Variants in MYO19 observed in about 807,000 individuals in gnomAD.
MYO19 encodes the protein unconventional myosin-XIX.
In MYO19, 132 loss-of-function variants were observed where a neutral mutation model predicts 129.2. That is an observed-to-expected ratio of 1.02 (90% confidence interval 0.89 to 1.18). The LOEUF is 1.18. Among genes scored for constraint, MYO19 ranks in the 50% most tolerant of loss-of-function variants. The pLI, the probability that MYO19 is intolerant of heterozygous loss-of-function variation, is 0.00. For synonymous variants in MYO19, 531 were observed against 477.2 expected, an observed-to-expected ratio of 1.11 and a Z score of -1.47; for missense variants, 1,210 against 1,216.7, an observed-to-expected ratio of 0.99 and a Z score of 0.08.
At chr17:36,534,504 C>T (rs535251773) in intron 1 of MYO19, among the ~76,000 whole-genome samples, 5 of 152,176 alleles carry the variant, frequency 3.3e-5, no homozygotes, top group African/African-American at 9.7e-5. Context: ...CCCTCTCCCC[C>T]CAGGCCGCCC....
At chr17:36,538,741 A>T, upstream of MYO19, 1 of 825,794 alleles carries the variant, frequency 1.2e-6, no homozygotes, top group Admixed American at 3.2e-5. Flanking sequence ...AGTCATCTAA[A>T]CAGCAGTGAT....
In MYO19 at chr17:36,527,537, C is replaced by A. The variant is rs748449082; in HGVS notation, c.300+14G>T. The stretch of plus-strand genomic sequence containing the variant: ...AGAGGAGCCCTGAGGCCACAGGCAG[C>A]GGCAGAGCCTTACCTGGGGCTGAGG... On this transcript the variant is annotated intron_variant, in intron 5 of 25. Transcript: ENST00000614623. The A allele has an allele frequency of 6.2e-7, 1 of 1,610,366 alleles. No homozygotes were observed. The highest frequency in any genetic ancestry group is 8.5e-7 in the Non-Finnish European group (1 of 1,178,278).
In MYO19 at chr17:36,499,143, T is replaced by G; in HGVS notation, c.2395A>C (p.Thr799Pro). Reference sequence around the variant, plus strand: ...TGCAGCCTCTGGATGTGTTTCCGAGTTAACCAGGAACGAATGGCTAAGAGG... The same window carrying G: ...TGCAGCCTCTGGATGTGTTTCCGAGGTAACCAGGAACGAATGGCTAAGAGG... ...LIQAAIRSWL[T>P]RKHIQRLHAA... Residue 799 changes from threonine to proline, a missense_variant, in exon 24 of 26, where the codon ACT becomes CCT. Physicochemically the swap from Thr to Pro is conservative, Grantham distance 38. Transcript: ENST00000614623. The G allele has an allele frequency of 6.2e-7, 1 of 1,607,736 alleles. No homozygotes were observed. Among genetic ancestry groups the G allele is most frequent in the Middle Eastern group, 1.7e-4 (1 of 6,046 alleles).
chr17:36,517,614 T>C (rs891154702), intron 6 of MYO19, among the ~76,000 whole-genome samples: 3 of 152,230 alleles, frequency 2.0e-5, no homozygotes, highest in African/African-American at 7.2e-5. Context: ...TTAATTTTTC[T>C]ATTTTATTCA....
upstream of MYO19, chr17:36,538,342 T>G (rs201893415): frequency 6.2e-7 from 1 of 1,614,190 alleles, no homozygotes; most frequent in Admixed American, 1.7e-5. Context: ...TGGAAACTTA[T>G]CCAGTCACCT....
At position 36,495,904 on chromosome 17, in the gene MYO19, G is replaced by C. The variant is rs1026872899; in HGVS notation, c.*347C>G. 8.3e-7 allele frequency: 1 copy of C among 1,203,124 alleles called. No homozygotes were observed. Among genetic ancestry groups the C allele is most frequent in the Non-Finnish European group, 1.0e-6 (1 of 960,280 alleles). 74.5% of individuals were successfully genotyped at this position (1,203,124 alleles called of 1,614,324 possible). A position where few individuals can be genotyped will look rare whatever the true frequency, so the allele number is the denominator to read the frequency against. On this transcript the variant is annotated 3_prime_UTR_variant, in exon 26 of 26. Transcript: ENST00000614623. ...CGCCAATTTTAGGCCAACTTTGGCTGTTTTCTTCCAAAAGTGCTTATGTGG... is the reference window on the plus strand; with the variant it reads ...CGCCAATTTTAGGCCAACTTTGGCTCTTTTCTTCCAAAAGTGCTTATGTGG...
intron 6 of MYO19, among the ~76,000 whole-genome samples, chr17:36,519,419 A>G (rs1357239531): frequency 6.6e-6 from 1 of 152,106 alleles, no homozygotes; most frequent in Non-Finnish European, 1.5e-5. Flanking sequence ...TTTCCCATCC[A>G]TTTAGTTTGA....
chr17:36,513,077 G>A, intron 11 of MYO19: 2 of 1,283,570 alleles, frequency 1.6e-6, no homozygotes, highest in Non-Finnish European at 1.0e-6. Context: ...AACTAAGTGA[G>A]CAGAGAAGTG....
chr17:36,540,286 C>T (rs1164651645), intron 2 of MYO19, among the ~76,000 whole-genome samples: 3 of 151,882 alleles, frequency 2.0e-5, no homozygotes, highest in South Asian at 2.1e-4. Flanking sequence ...CCTGGCTTCA[C>T]GTGATCCTCC....
At chr17:36,537,958 T>C (rs1371909465), upstream of MYO19, 1 of 1,614,064 alleles carries the variant, frequency 6.2e-7, no homozygotes, top group Admixed American at 1.7e-5. Context: ...AGGTTAATAT[T>C]ATATGGCACT....
intron 6 of MYO19, among the ~76,000 whole-genome samples, chr17:36,524,932 T>C (rs980528804): frequency 6.6e-6 from 1 of 152,210 alleles, no homozygotes; most frequent in Non-Finnish European, 1.5e-5. Context: ...TTGTTTCCAG[T>C]AGTGTCAAGA....
chr17:36,509,732 T>G (rs1487907837), intron 13 of MYO19: 2 of 152,802 alleles, frequency 1.3e-5, no homozygotes, highest in African/African-American at 2.4e-5. Flanking sequence ...CTTAAAGTAA[T>G]TGCTCTGCAA....
chr17:36,528,133 G>A lies in MYO19; in HGVS notation c.82C>T (p.Leu28=). ...EYLREDLQEF[L]GGEVLLYKLD... ...TTGTACAGCAGGACCTCCCCACCCA[G>A]GAACTCCTGCAGGTCTTCTCTGAGG... The change falls in exon 4 of 26, where the codon CTG becomes TTG. Residue 28 remains leucine, a synonymous_variant. Coordinates refer to ENST00000614623, the MANE Select transcript of MYO19 (RefSeq NM_001163735.2). The A allele has an allele frequency of 6.2e-7, 1 of 1,613,258 alleles. No homozygotes were observed. Among genetic ancestry groups the A allele is most frequent in the South Asian group, 1.1e-5 (1 of 90,818 alleles).
chr17:36,496,428 A>C (rs1280804028), intron 25 of MYO19, 22 bp from the exon 26 acceptor site: 2 of 1,613,282 alleles, frequency 1.2e-6, no homozygotes, highest in Non-Finnish European at 1.7e-6. Context: ...AGAGAGATGC[A>C]GCTTTAGCAC....
upstream of MYO19, chr17:36,538,279 T>C (rs540887439): frequency 1.2e-4 from 190 of 1,613,374 alleles, no homozygotes; most frequent in South Asian, 1.9e-3. Flanking sequence ...CTGGGTGATA[T>C]AATTTTGAGT....
At chr17:36,540,520 G>A (rs890025347) in intron 2 of MYO19, among the ~76,000 whole-genome samples, 2 of 151,936 alleles carry the variant, frequency 1.3e-5, no homozygotes, top group East Asian at 1.9e-4. Context: ...ACAGGCACAC[G>A]CCACTTCGCC....
At chr17:36,507,757 G>A (rs2072020153) in intron 15 of MYO19, 46 bp downstream of exon 15, 4 of 1,542,736 alleles carry the variant, frequency 2.6e-6, no homozygotes, top group Non-Finnish European at 3.5e-6. Flanking sequence ...GGAAGGGATT[G>A]AGGATCCAAA....
At chr17:36,526,392 G>A (rs1269206064) in intron 5 of MYO19, among the ~76,000 whole-genome samples, 1 of 151,972 alleles carries the variant, frequency 6.6e-6, no homozygotes, top group African/African-American at 2.4e-5. Context: ...CCTCCTGCCA[G>A]CAAGTTTTCT....
upstream of MYO19, chr17:36,535,309 C>T (rs1339327326): frequency 6.6e-6 from 1 of 150,682 alleles, no homozygotes; most frequent in Non-Finnish European, 1.5e-5. Flanking sequence ...CGCGCCGTTT[C>T]CTCTCCAGGC....
Sources: allele counts gnomAD v4.1 joint callset (sites outside exome capture counted in the v4.1 genomes callset), GRCh38; gene constraint gnomAD v4.1.1; transcripts MANE v1.5; gene names NCBI Gene and HGNC (gene_info 2026-07-23, HGNC 2026-07-21).